Variants in SYNE1 observed in about 807,000 individuals in gnomAD.
The protein encoded by SYNE1 is spectrin repeat containing nuclear envelope protein 1.
SYNE1 carries 616 observed loss-of-function variants against 1,111.0 expected under a neutral mutation model. The ratio of observed to expected loss-of-function variants is 0.55; its 90% confidence interval spans 0.52 to 0.59. SYNE1 has a LOEUF of 0.59. SYNE1 is among the 20% of genes least tolerant of loss of function. The pLI, the probability that SYNE1 is intolerant of heterozygous loss-of-function variation, is 0.00. For missense variants in SYNE1, 10,006 were observed against 10,417.0 expected, an observed-to-expected ratio of 0.96 and a Z score of 1.72; for synonymous variants, 3,855 against 3,825.8, an observed-to-expected ratio of 1.01 and a Z score of -0.28.
At chr6:152,241,841 C>T (rs2153561613) in intron 107 of SYNE1, among the ~76,000 whole-genome samples, 1 of 152,098 alleles carries the variant, frequency 6.6e-6, no homozygotes, top group Non-Finnish European at 1.5e-5. Context: ...GTAACTGGGA[C>T]CAGGTGGACA....
At position 152,462,869 on chromosome 6, in the gene SYNE1, C is replaced by G. The variant is rs751776711; in HGVS notation, c.2119G>C (p.Asp707His). Reference protein sequence around the residue: ...VKQYAQADEMDRMKKEYTDCV... With the variant: ...VKQYAQADEMHRMKKEYTDCV... ...TCTGTGTATTCCTTCTTCATTCTGT[C>G]CATCTCATCAGCTTGAGCATACTGT... The change falls in exon 20 of 146, where the codon GAC (aspartate) becomes CAC (histidine). Residue 707 changes from aspartate to histidine, a missense_variant. Physicochemically the swap from Asp to His is moderately conservative, Grantham distance 81. Coordinates refer to ENST00000367255, the MANE Select transcript of SYNE1 (RefSeq NM_182961.4). The G allele has an allele frequency of 1.9e-6, 3 of 1,613,756 alleles. No homozygotes were observed. The South Asian group carries it at 3.3e-5, about 18-fold the overall frequency.
chr6:152,337,410 C>T (rs1171041739), intron 75 of SYNE1, among the ~76,000 whole-genome samples: 1 of 152,130 alleles, frequency 6.6e-6, no homozygotes, highest in Non-Finnish European at 1.5e-5. Context: ...CTGCCTCAGC[C>T]TCCTGAGTAG....
At chr6:152,317,613 T>A (rs2095764161) in intron 86 of SYNE1, among the ~76,000 whole-genome samples, 1 of 152,232 alleles carries the variant, frequency 6.6e-6, no homozygotes, top group Admixed American at 6.5e-5. Flanking sequence ...GGTTACCAAC[T>A]CCTGGTTTTA....
chr6:152,395,426 A>G (rs563953239), intron 51 of SYNE1, 90 bp downstream of exon 51: 1 of 1,388,730 alleles, frequency 7.2e-7, no homozygotes, highest in African/African-American at 1.4e-5. Flanking sequence ...CAAACCAACT[A>G]ACTAACCAAT....
chr6:152,540,114 C>T (rs1363539576), intron 3 of SYNE1, 93 bp from the exon 4 acceptor site: 17 of 1,279,396 alleles, frequency 1.3e-5, no homozygotes, highest in African/African-American at 1.5e-5. Context: ...TGGAAGGAAT[C>T]GTGAAATCGT....
chr6:152,384,066 A>T (rs1030954127), intron 55 of SYNE1, among the ~76,000 whole-genome samples: 1 of 152,214 alleles, frequency 6.6e-6, no homozygotes, highest in Non-Finnish European at 1.5e-5. Flanking sequence ...GCCAGGCATG[A>T]TGCTACAGGT....
chr6:152,574,840 T>C (rs2099489966), intron 3 of SYNE1, among the ~76,000 whole-genome samples: 1 of 152,238 alleles, frequency 6.6e-6, no homozygotes, highest in African/African-American at 2.4e-5. Flanking sequence ...CAAATCCTTA[T>C]AGAGCAGGAC....
At chr6:152,293,776 A>G in intron 94 of SYNE1, 27 bp from the exon 95 acceptor site, 1 of 1,613,810 alleles carries the variant, frequency 6.2e-7, no homozygotes, top group Non-Finnish European at 8.5e-7. Context: ...ATATTACCAA[A>G]TGCTTCCCAG....
intron 133 of SYNE1, 55 bp from the exon 134 acceptor site, chr6:152,152,196 G>T: frequency 6.7e-7 from 1 of 1,501,680 alleles, no homozygotes; most frequent in Non-Finnish European, 9.2e-7. Flanking sequence ...ACTCTCAGTA[G>T]TGGCTCCTGG....
intron 8 of SYNE1, among the ~76,000 whole-genome samples, chr6:152,507,522 T>G (rs2099064160): frequency 6.6e-6 from 1 of 152,096 alleles, no homozygotes; most frequent in African/African-American, 2.4e-5. Flanking sequence ...AAGTAGTAGG[T>G]AATATTCCTT....
intron 74 of SYNE1, among the ~76,000 whole-genome samples, chr6:152,341,371 GCAC>G (rs1344187131): frequency 2.0e-5 from 3 of 152,206 alleles, no homozygotes; most frequent in Non-Finnish European, 2.9e-5. Flanking sequence ...GATTCCGAAA[GCAC>G]TGGAAGCAGC....
chr6:152,174,805 T>G, intron 130 of SYNE1, among the ~76,000 whole-genome samples: 1 of 152,202 alleles, frequency 6.6e-6, no homozygotes, highest in East Asian at 1.9e-4. Flanking sequence ...TTATGAACAA[T>G]ACACAAAAAG....
chr6:152,558,423 A>G (rs1398019348), intron 3 of SYNE1, among the ~76,000 whole-genome samples: 1 of 152,214 alleles, frequency 6.6e-6, no homozygotes, highest in Non-Finnish European at 1.5e-5. Flanking sequence ...GTATAAGATC[A>G]AACTATATGC....
chr6:152,502,047 CA>C (rs2099032626), intron 10 of SYNE1, among the ~76,000 whole-genome samples: 1 of 152,022 alleles, frequency 6.6e-6, no homozygotes, highest in Admixed American at 6.5e-5. Context: ...AGGTCAAATA[CA>C]GAAAATTTTT....
rs2098766332 is a variant in SYNE1, at chr6:152,466,202, AAAC to A, written c.1633-127_1633-125del. 5 of 658,256 alleles carry A rather than the reference AAAC, an allele frequency of 7.6e-6. No individual in the cohort carries two copies. The East Asian group carries it at 1.4e-4, about 18-fold the overall frequency. The allele number at this position is 658,256 out of a possible 1,614,324, so 40.8% of individuals were successfully genotyped here. A position where few individuals can be genotyped will look rare whatever the true frequency, so the allele number is the denominator to read the frequency against. On this transcript the variant is annotated intron_variant, in intron 16 of 145. Transcript: ENST00000367255. Reference sequence around the variant, plus strand: ...AATTTGTTAATCTCAGTCTTCTTGAAAACATAAAATTAATTCCACTGCTACAAA... The same window carrying A: ...AATTTGTTAATCTCAGTCTTCTTGAAATAAAATTAATTCCACTGCTACAAA...
intron 4 of SYNE1, among the ~76,000 whole-genome samples, chr6:152,533,227 A>T (rs2099214021): frequency 6.6e-6 from 1 of 151,882 alleles, no homozygotes; most frequent in Non-Finnish European, 1.5e-5. Flanking sequence ...TGCTTGGCAA[A>T]GGTGGGAAGG....
At chr6:152,590,878 G>A (rs1048075656) in intron 3 of SYNE1, among the ~76,000 whole-genome samples, 1 of 151,974 alleles carries the variant, frequency 6.6e-6, no homozygotes, top group Non-Finnish European at 1.5e-5. Flanking sequence ...GCTCTTTTTT[G>A]GTTCCACAGA....
intron 121 of SYNE1, among the ~76,000 whole-genome samples, chr6:152,216,824 G>A (rs1363146068): frequency 6.6e-6 from 1 of 152,200 alleles, no homozygotes; most frequent in Non-Finnish European, 1.5e-5. Flanking sequence ...GGGAGGCCAA[G>A]GAGGGCGGAT....
In SYNE1 at chr6:152,138,258, C is replaced by T. The variant is rs147843592; in HGVS notation, c.25459-1440G>A. ...AGGCGCAATGGCTCATGCTTGTAAT[C>T]CCAGCAATTTGGGAGGCCGAGGCGG... is the stretch of plus-strand genomic sequence containing the variant. On this transcript the variant is annotated intron_variant, in intron 140 of 145. Coordinates refer to ENST00000367255, the MANE Select transcript of SYNE1 (RefSeq NM_182961.4). Among the ~76,000 whole-genome samples the T allele has an allele frequency of 8.5e-3, 1,301 of 152,208 alleles. 7 individuals are homozygous for T. The highest frequency in any genetic ancestry group is 0.045 in the Middle Eastern group (13 of 292).
Sources: gnomAD v4.1 joint callset for allele counts (sites outside exome capture counted in the v4.1 genomes callset) on GRCh38, gnomAD v4.1.1 for gene constraint, MANE v1.5 for transcripts, NCBI Gene and HGNC (gene_info 2026-07-23, HGNC 2026-07-21) for gene names.